LMO7: variants seen among roughly 807,000 people sequenced by gnomAD.
The protein encoded by LMO7 is LIM domain only protein 7.
In LMO7, 120 loss-of-function variants were observed where a neutral mutation model predicts 206.5. The ratio of observed to expected loss-of-function variants is 0.58; its 90% CI spans 0.50 to 0.68. LMO7 has a LOEUF of 0.68. LMO7 is among the 30% of genes least tolerant of loss of function. LMO7 has a pLI of 0.00. For missense variants in LMO7, 1,959 were observed against 1,957.9 expected (o/e 1.00, Z -0.01); for synonymous variants, 706 against 681.5 (o/e 1.04, Z -0.56).
At chr13:75,720,105 T>C (rs1420177689) in intron 2 of LMO7, among the ~76,000 whole-genome samples, 1 of 152,234 alleles carries the variant, frequency 6.6e-6, no homozygotes, top group Non-Finnish European at 1.5e-5. Flanking sequence ...GGAGCATCTT[T>C]TCATGTCCTT....
At chr13:75,682,679 T>A (rs2040637690) in intron 1 of LMO7, among the ~76,000 whole-genome samples, 1 of 152,194 alleles carries the variant, frequency 6.6e-6, no homozygotes, top group Admixed American at 6.5e-5. Context: ...CTCAGAAATA[T>A]CCAGTCATTA....
chr13:75,814,802 G>A (rs1490883434), intron 11 of LMO7, among the ~76,000 whole-genome samples: 2 of 152,164 alleles, frequency 1.3e-5, no homozygotes, highest in Non-Finnish European at 2.9e-5. Flanking sequence ...GCACATTTAA[G>A]CAGATGCCTG....
intron 24 of LMO7, 38 bp downstream of exon 24, chr13:75,842,021 G>A (rs766670412): frequency 2.7e-6 from 4 of 1,494,104 alleles, no homozygotes; most frequent in Admixed American, 1.9e-5. Context: ...AGGCTTAGCT[G>A]TATCCATTCC....
rs1208225985 is a variant in LMO7, at chr13:75,858,877, C to G, written c.*934C>G. The G allele has an allele frequency of 6.6e-6, 1 of 152,096 alleles. No individual in the cohort carries two copies. The highest frequency in any genetic ancestry group is 6.6e-5 in the Admixed American group (1 of 15,264). 9.4% of individuals were successfully genotyped at this position (152,096 alleles called of 1,614,324 possible). On this transcript the variant is annotated 3_prime_UTR_variant, in exon 31 of 31. Transcript: ENST00000377534. ...TATACCTTCGAAACTATGCCACAGTCTGGATGTGTTTACTGAAACATTTTA... is the reference window on the plus strand; with the variant it reads ...TATACCTTCGAAACTATGCCACAGTGTGGATGTGTTTACTGAAACATTTTA...
intron 3 of LMO7, among the ~76,000 whole-genome samples, chr13:75,731,210 C>T (rs910486031): frequency 8.6e-5 from 13 of 152,014 alleles, no homozygotes; most frequent in South Asian, 8.3e-4. Flanking sequence ...CGTTGATCTG[C>T]CTAATGTTGA....
chr13:75,844,342 A>G (rs1324089618), intron 25 of LMO7, among the ~76,000 whole-genome samples: 1 of 150,996 alleles, frequency 6.6e-6, no homozygotes, highest in Non-Finnish European at 1.5e-5. Context: ...GTACATAAGT[A>G]TAATATTACA....
intron 4 of LMO7, among the ~76,000 whole-genome samples, chr13:75,784,807 T>C (rs1283287676): frequency 2.0e-5 from 3 of 152,214 alleles, no homozygotes; most frequent in Non-Finnish European, 4.4e-5. Flanking sequence ...GACAGATTTT[T>C]CTATTTAATC....
Position 75,636,357 on chromosome 13 carries a change from G to T in LMO7, c.-301G>T, listed in dbSNP as rs2035849044. 1 of 1,236,438 alleles carries T rather than the reference G, an allele frequency of 8.1e-7. No homozygotes were observed. The highest frequency in any genetic ancestry group is 1.0e-6 in the Non-Finnish European group (1 of 984,554). 76.6% of individuals were successfully genotyped at this position (1,236,438 alleles called of 1,614,324 possible). A position where few individuals can be genotyped will look rare whatever the true frequency, so the allele number is the denominator to read the frequency against. The stretch of plus-strand genomic sequence containing the variant: ...ACTGTCGTCGGGGCTGGTGCCGCGC[G>T]CTGCCGCTGGGCACCCGCTTCGCTT... On this transcript the variant is annotated 5_prime_UTR_variant, in exon 1 of 31. Transcript: ENST00000377534.
chr13:75,807,578 TAACCCGCAGGAAG>T lies in LMO7; in HGVS notation c.1298_1310del (p.Thr433IlefsTer22). 6.2e-7 allele frequency: 1 copy of T among 1,614,002 alleles called. No individual in the cohort carries two copies. The highest frequency in any genetic ancestry group is 8.5e-7 in the Non-Finnish European group (1 of 1,179,880). ...GATCCCACTTCTGGCCCAAGGCTCA[TAACCCGCAGGAAG>T]AATCTCTCTTATGCACCAGGCTATA... is the stretch of plus-strand genomic sequence containing the variant. On this transcript the variant is annotated frameshift_variant, in exon 10 of 31. Coordinates refer to ENST00000377534, the MANE Select transcript of LMO7 (RefSeq NM_001306080.2). LOFTEE classifies it high-confidence loss of function.
Position 75,636,646 on chromosome 13 carries a change from C to A in LMO7, c.-12C>A. ...GCATCCCGAGTCTCTCTCTCCCTCC[C>A]TTGTCCTAGCCATGGAAGGGCTGGA... On this transcript the variant is annotated 5_prime_UTR_variant, in exon 1 of 31. Transcript: ENST00000377534. 6.3e-7 allele frequency: 1 copy of A among 1,590,978 alleles called. No individual in the cohort carries two copies. Among genetic ancestry groups the A allele is most frequent in the South Asian group, 1.1e-5 (1 of 87,206 alleles).
At chr13:75,783,437 C>T (rs550522464) in intron 4 of LMO7, among the ~76,000 whole-genome samples, 1 of 152,178 alleles carries the variant, frequency 6.6e-6, no homozygotes, top group Non-Finnish European at 1.5e-5. Context: ...GATCCTCCCA[C>T]CTCAGCCTCC....
At chr13:75,699,160 G>A (rs78752133) in intron 1 of LMO7, among the ~76,000 whole-genome samples, 194 of 152,208 alleles carry the variant, frequency 1.3e-3, no homozygotes, top group African/African-American at 4.5e-3. Context: ...CAGGAAGTAC[G>A]TTTCCTGATA....
chr13:75,781,031 A>T (rs567998916), intron 4 of LMO7, among the ~76,000 whole-genome samples: 1 of 139,416 alleles, frequency 7.2e-6, no homozygotes, highest in Admixed American at 7.4e-5. Context: ...TAAAAAATAC[A>T]TTTATAATTA....
At chr13:75,837,880 A>C (rs954508698) in intron 19 of LMO7, among the ~76,000 whole-genome samples, 1 of 152,168 alleles carries the variant, frequency 6.6e-6, no homozygotes, top group Non-Finnish European at 1.5e-5. Flanking sequence ...TTGGCTTTTC[A>C]TAGCTGTGAA....
intron 3 of LMO7, among the ~76,000 whole-genome samples, chr13:75,735,143 A>G (rs9573648): frequency 0.38 from 52,908 of 140,436 alleles, 9,861 homozygotes; most frequent in East Asian, 0.6. Flanking sequence ...GTGTGTGTGT[A>G]TGTATGTACA....
intron 1 of LMO7, among the ~76,000 whole-genome samples, chr13:75,686,724 G>A (rs1234919935): frequency 6.6e-6 from 1 of 152,038 alleles, no homozygotes; most frequent in Non-Finnish European, 1.5e-5. Context: ...GTGCAAATGT[G>A]TGGTTAGTCA....
At chr13:75,773,705 T>A (rs1020468246) in intron 4 of LMO7, among the ~76,000 whole-genome samples, 4 of 152,182 alleles carry the variant, frequency 2.6e-5, no homozygotes, top group African/African-American at 9.6e-5. Context: ...AATTAATTTT[T>A]TGACACATTG....
chr13:75,836,408 C>A lies in LMO7; in HGVS notation c.3345C>A (p.Ser1115=). The A allele has an allele frequency of 6.5e-7, 1 of 1,538,156 alleles. No homozygotes were observed. The highest frequency in any genetic ancestry group is 8.9e-7 in the Non-Finnish European group (1 of 1,127,022). The change falls in exon 19 of 31, where the codon TCC becomes TCA. Residue 1115 remains serine, a synonymous_variant. Coordinates refer to ENST00000377534, the MANE Select transcript of LMO7 (RefSeq NM_001306080.2). ...SESLQSSNIE[S]KEINGIHDES... ...TTTACCCTTTCCAGAATATTGAATCCAAAGAAATCAATGGAATTCATGATG... is the reference window on the plus strand; with the variant it reads ...TTTACCCTTTCCAGAATATTGAATCAAAAGAAATCAATGGAATTCATGATG...
chr13:75,792,911 A>G (rs969099831), intron 4 of LMO7, among the ~76,000 whole-genome samples: 4 of 152,224 alleles, frequency 2.6e-5, no homozygotes, highest in African/African-American at 9.6e-5. Flanking sequence ...TTATCACAGA[A>G]TAGGACATCC....
Sources: allele counts gnomAD v4.1 joint callset (sites outside exome capture counted in the v4.1 genomes callset), GRCh38; gene constraint gnomAD v4.1.1; transcripts MANE v1.5; gene names NCBI Gene and HGNC (gene_info 2026-07-23, HGNC 2026-07-21).